The following SLC22A24 variants were observed in gnomAD, a reference collection of about 807,000 sequenced individuals.
SLC22A24 encodes the protein solute carrier family 22 member 24.
Under a neutral mutation model 49.8 loss-of-function variants are expected in SLC22A24, and 53 were observed. That is an observed-to-expected ratio of 1.06 (90% confidence interval 0.85 to 1.34). The LOEUF is 1.34. SLC22A24 is among the 40% of genes most tolerant of loss of function. The pLI is 0.00. For missense variants in SLC22A24, 786 were observed against 675.9 expected, an observed-to-expected ratio of 1.16 and a Z score of -1.81; for synonymous variants, 302 against 256.4, an observed-to-expected ratio of 1.18 and a Z score of -1.70.
intron 1 of SLC22A24, among the ~76,000 whole-genome samples, chr11:63,138,968 C>T (rs888145182): frequency 1.3e-5 from 2 of 152,086 alleles, no homozygotes; most frequent in African/African-American, 4.8e-5. Context: ...TAGGAGGTTA[C>T]CTTTGGTAAA....
chr11:63,134,612 G>T, intron 2 of SLC22A24, 53 bp downstream of exon 2: 1 of 1,026,038 alleles, frequency 9.7e-7, no homozygotes, highest in Non-Finnish European at 1.5e-6. Flanking sequence ...TAAAATAAAG[G>T]AATGAATATA....
intron 6 of SLC22A24, among the ~76,000 whole-genome samples, chr11:63,085,386 A>C (rs2086981608): frequency 6.6e-6 from 1 of 152,152 alleles, no homozygotes; most frequent in South Asian, 2.1e-4. Context: ...AATGTGGGTA[A>C]TGAGGTGTTT....
At chr11:63,104,369 C>A in intron 4 of SLC22A24, 71 bp from the exon 5 acceptor site, 1 of 1,436,342 alleles carries the variant, frequency 7.0e-7, no homozygotes, top group South Asian at 1.4e-5. Context: ...ACATGAAATT[C>A]CTTTCCCCTT....
intron 1 of SLC22A24, among the ~76,000 whole-genome samples, chr11:63,135,197 G>A (rs1236951329): frequency 1.3e-5 from 2 of 152,156 alleles, no homozygotes. Flanking sequence ...CCCTCATCAT[G>A]TAGGTAACAT....
intron 5 of SLC22A24, among the ~76,000 whole-genome samples, chr11:63,097,266 G>A (rs2087060680): frequency 1.3e-5 from 2 of 151,980 alleles, no homozygotes; most frequent in South Asian, 4.1e-4. Context: ...AGTGGGTGAA[G>A]TATATGAACA....
intron 2 of SLC22A24, among the ~76,000 whole-genome samples, chr11:63,125,777 T>A (rs1294612723): frequency 1.3e-5 from 2 of 152,200 alleles, no homozygotes; most frequent in Non-Finnish European, 2.9e-5. Flanking sequence ...CCACCAACAG[T>A]GTAAAAGTGT....
At chr11:63,094,415 A>G (rs997140833) in intron 6 of SLC22A24, among the ~76,000 whole-genome samples, 11 of 152,068 alleles carry the variant, frequency 7.2e-5, no homozygotes, top group African/African-American at 2.4e-4. Context: ...AGTCTTTGCT[A>G]TTGTGAATAG....
chr11:63,114,019 G>T (rs1486570233), intron 4 of SLC22A24, among the ~76,000 whole-genome samples: 1 of 151,922 alleles, frequency 6.6e-6, no homozygotes, highest in East Asian at 1.9e-4. Context: ...TTCAACCTTG[G>T]TGAATCTGAC....
intron 2 of SLC22A24, among the ~76,000 whole-genome samples, chr11:63,119,662 G>A (rs1026481521): frequency 1.3e-5 from 2 of 152,154 alleles, no homozygotes; most frequent in Non-Finnish European, 2.9e-5. Flanking sequence ...TATGCATTTA[G>A]GATAGTGGAT....
chr11:63,081,475 C>T, intron 8 of SLC22A24, 83 bp downstream of exon 8: 1 of 941,794 alleles, frequency 1.1e-6, no homozygotes, highest in South Asian at 1.4e-5. Context: ...GGCACCTAAA[C>T]AGTGTCAGTC....
At chr11:63,112,426 A>G (rs995531074) in intron 4 of SLC22A24, among the ~76,000 whole-genome samples, 1 of 152,002 alleles carries the variant, frequency 6.6e-6, no homozygotes, top group Admixed American at 6.6e-5. Flanking sequence ...TGTCTCGTTG[A>G]TCTGTCTAAT....
At position 63,081,093 on chromosome 11, in the gene SLC22A24, G is replaced by A. The variant is rs1051161571; in HGVS notation, c.1425C>T (p.Ser475=). The A allele has an allele frequency of 2.1e-5, 32 of 1,551,428 alleles. No individual in the cohort carries two copies. The highest frequency in any genetic ancestry group is 6.8e-5 in the African/African-American group (5 of 73,026). The change falls in exon 9 of 10, where the codon TCC becomes TCT. Residue 475 remains serine, a synonymous_variant. Transcript: ENST00000612278. ...RSTVAGINAV[S]GRTGAALAPL... ...GAGCCAGTGCTGCCCCAGTCCTACC[G>A]GACACTGCATTGATTCCTGCAACTG...
chr11:63,081,485 C>G, intron 8 of SLC22A24, 73 bp downstream of exon 8: 1 of 1,057,136 alleles, frequency 9.5e-7, no homozygotes, highest in East Asian at 2.6e-5. Flanking sequence ...CAGTGTCAGT[C>G]TTTCATTCAC....
intron 2 of SLC22A24, among the ~76,000 whole-genome samples, chr11:63,128,121 T>A (rs568687986): frequency 1.2e-4 from 18 of 152,040 alleles, no homozygotes; most frequent in South Asian, 8.3e-4. Flanking sequence ...AATCATTAGT[T>A]TGTAGCAATT....
intron 4 of SLC22A24, among the ~76,000 whole-genome samples, chr11:63,116,935 C>T (rs546123175): frequency 3.6e-4 from 55 of 151,464 alleles, no homozygotes; most frequent in Non-Finnish European, 5.3e-4. Context: ...TAAACATTTC[C>T]ATCTTCAATG....
intron 4 of SLC22A24, 117 bp downstream of exon 4, chr11:63,118,795 T>A: frequency 9.6e-7 from 1 of 1,044,858 alleles, no homozygotes; most frequent in Non-Finnish European, 1.5e-6. Flanking sequence ...ATAGGTACTA[T>A]GGACATCATG....
intron 8 of SLC22A24, 60 bp downstream of exon 8, chr11:63,081,498 T>G (rs972941556): frequency 1.7e-6 from 2 of 1,166,432 alleles, no homozygotes; most frequent in South Asian, 2.6e-5. Flanking sequence ...TCATTCACAA[T>G]GAATATCAAT....
At chr11:63,128,634 T>C (rs1012449495) in intron 2 of SLC22A24, among the ~76,000 whole-genome samples, 1 of 152,196 alleles carries the variant, frequency 6.6e-6, no homozygotes, top group Non-Finnish European at 1.5e-5. Context: ...TAAAAGTCTC[T>C]GAAATGCAGA....
chr11:63,141,145 C>A (rs1246893552), intron 1 of SLC22A24, among the ~76,000 whole-genome samples: 2 of 152,086 alleles, frequency 1.3e-5, no homozygotes, highest in Non-Finnish European at 2.9e-5. Context: ...AAAATCTTAT[C>A]TTATGGTCAA....
Sources: allele counts gnomAD v4.1 joint callset (sites outside exome capture counted in the v4.1 genomes callset), GRCh38; gene constraint gnomAD v4.1.1; transcripts MANE v1.5; gene names NCBI Gene and HGNC (gene_info 2026-07-23, HGNC 2026-07-21).